Variants in ZNF710 observed in about 807,000 individuals in gnomAD.
ZNF710 encodes zinc finger protein 710.
Under a neutral mutation model 50.6 loss-of-function variants are expected in ZNF710, and 13 were observed. The ratio of observed to expected loss-of-function variants is 0.26; its 90% CI spans 0.17 to 0.41. The LOEUF is 0.41. Ranked by LOEUF, ZNF710 falls within the 10% of genes least tolerant of loss-of-function variation. ZNF710 has a pLI of 1.00. For missense variants in ZNF710, 721 were observed against 936.6 expected (o/e 0.77, Z 3.01); for synonymous variants, 383 against 397.0 (o/e 0.96, Z 0.42).
At chr15:90,043,116 C>G (rs572943934) in intron 1 of ZNF710, among the ~76,000 whole-genome samples, 1 of 152,264 alleles carries the variant, frequency 6.6e-6, no homozygotes, top group Non-Finnish European at 1.5e-5. Context: ...CACACCCCAC[C>G]GGGGACCGAG....
intron 1 of ZNF710, among the ~76,000 whole-genome samples, chr15:90,020,581 G>A (rs896055095): frequency 2.6e-5 from 4 of 152,240 alleles, no homozygotes; most frequent in Admixed American, 6.5e-5. Context: ...GGGACGTTTC[G>A]GTTTCTGTGA....
intron 4 of ZNF710, among the ~76,000 whole-genome samples, chr15:90,077,004 T>A (rs1317857037): frequency 1.3e-5 from 2 of 152,066 alleles, no homozygotes; most frequent in Admixed American, 1.3e-4. Flanking sequence ...CCCACCTCCC[T>A]CATACAGCCT....
At chr15:90,022,263 C>T (rs2151476267) in intron 1 of ZNF710, among the ~76,000 whole-genome samples, 1 of 152,080 alleles carries the variant, frequency 6.6e-6, no homozygotes, top group Middle Eastern at 3.4e-3. Flanking sequence ...GTAATCCCAG[C>T]TACTCAGGAG....
In ZNF710 at chr15:90,079,697, G is replaced by C; in HGVS notation, c.1863G>C (p.Glu621Asp). 2 of 1,614,006 alleles carry C rather than the reference G, an allele frequency of 1.2e-6. No homozygotes were observed. Among genetic ancestry groups the C allele is most frequent in the Non-Finnish European group, 1.7e-6 (2 of 1,179,956 alleles). ...MMELTGTDPS[E>D]LDGQQEMEDF... ...AGCTGACAGGCACTGACCCTTCAGAGCTCGACGGCCAGCAGGAGATGGAGG... is the reference window on the plus strand; with the variant it reads ...AGCTGACAGGCACTGACCCTTCAGACCTCGACGGCCAGCAGGAGATGGAGG... The change falls in exon 5 of 5, where the codon GAG becomes GAC. Residue 621 changes from glutamate (E) to aspartate (D), a missense_variant. Transcript: ENST00000268154.
Position 90,080,008 on chromosome 15 carries a change from T to C in ZNF710, c.*179T>C. Reference sequence around the variant, plus strand: ...TTAGACCAAATGGAGACTGTACTACTGGCCCCGGCTGTGAGCCAGCACAGG... The same window carrying C: ...TTAGACCAAATGGAGACTGTACTACCGGCCCCGGCTGTGAGCCAGCACAGG... On this transcript the variant is annotated 3_prime_UTR_variant, in exon 5 of 5. Coordinates refer to ENST00000268154, the MANE Select transcript of ZNF710 (RefSeq NM_198526.4). The C allele has an allele frequency of 1.8e-6, 1 of 555,996 alleles. No individual in the cohort carries two copies. The highest frequency in any genetic ancestry group is 2.9e-5 in the South Asian group (1 of 34,412). The allele number at this position is 555,996 out of a possible 1,614,324, so 34.4% of individuals were successfully genotyped here.
chr15:90,009,780 C>T lies in ZNF710; in HGVS notation c.-29+8166C>T, dbSNP rs549627874. Among the ~76,000 whole-genome samples, 5 of 152,154 alleles carry T rather than the reference C, an allele frequency of 3.3e-5. No individual in the cohort carries two copies. The South Asian group carries it at 1.0e-3, about 32-fold the overall frequency. ...AGTCCACTCTGTCCCCACTTCCTCT[C>T]TCCCCCTCTTCTCCTTGCCAGCTCA... On this transcript the variant is annotated intron_variant, in intron 1 of 4. Transcript: ENST00000268154.
Position 90,074,105 on chromosome 15 carries a change from A to G in ZNF710, c.1651-11A>G. 1 of 1,605,694 alleles carries G rather than the reference A, an allele frequency of 6.2e-7. No homozygotes were observed. Among genetic ancestry groups the G allele is most frequent in the East Asian group, 2.3e-5 (1 of 44,440 alleles). ...CCCACAGGCTCAGGACACCGGGTTG[A>G]TGTGTTCTAGGTGTGCGGGAAGTCC... On this transcript the variant is annotated splice_polypyrimidine_tract_variant and intron_variant, in intron 3 of 4. Coordinates refer to ENST00000268154, the MANE Select transcript of ZNF710 (RefSeq NM_198526.4).
intron 1 of ZNF710, among the ~76,000 whole-genome samples, chr15:90,008,846 A>G (rs1035714127): frequency 6.6e-6 from 1 of 152,052 alleles, no homozygotes; most frequent in African/African-American, 2.4e-5. Context: ...TTAAATACAT[A>G]TGCTCTATTG....
chr15:90,064,860 G>T (rs564468110), intron 1 of ZNF710, among the ~76,000 whole-genome samples: 3 of 152,132 alleles, frequency 2.0e-5, no homozygotes, highest in African/African-American at 4.8e-5. Flanking sequence ...AGGACCGTGG[G>T]CCCTCACAAC....
intron 1 of ZNF710, among the ~76,000 whole-genome samples, chr15:90,017,721 A>T (rs1432537989): frequency 1.3e-5 from 2 of 151,904 alleles, no homozygotes; most frequent in Non-Finnish European, 2.9e-5. Context: ...GTTCCCCTGG[A>T]AAGTTTATAC....
intron 1 of ZNF710, among the ~76,000 whole-genome samples, chr15:90,065,788 TC>T (rs1900152008): frequency 6.6e-6 from 1 of 152,146 alleles, no homozygotes; most frequent in South Asian, 2.1e-4. Flanking sequence ...ATGTCTATAA[TC>T]CTAGCATTTC....
In ZNF710 at chr15:90,079,851, C is replaced by T. The variant is rs755937438; in HGVS notation, c.*22C>T. 2.2e-5 allele frequency: 35 copies of T among 1,565,444 alleles called. No homozygotes were observed. Among genetic ancestry groups the T allele is most frequent in the East Asian group, 7.0e-5 (3 of 42,986 alleles). The stretch of plus-strand genomic sequence containing the variant: ...ATAGCGCAAGCTGGGCCACCCCTAA[C>T]GGGGGCCGGGGGCGAGGGCATGGGG... On this transcript the variant is annotated 3_prime_UTR_variant, in exon 5 of 5. Coordinates refer to ENST00000268154, the MANE Select transcript of ZNF710 (RefSeq NM_198526.4).
intron 1 of ZNF710, among the ~76,000 whole-genome samples, chr15:90,013,270 G>A (rs1222465780): frequency 1.3e-5 from 2 of 151,980 alleles, no homozygotes; most frequent in Non-Finnish European, 2.9e-5. Flanking sequence ...GCCTGGCTAA[G>A]TTTTGTATTT....
intron 1 of ZNF710, among the ~76,000 whole-genome samples, chr15:90,028,409 G>T (rs912804911): frequency 6.6e-6 from 1 of 152,216 alleles, no homozygotes; most frequent in African/African-American, 2.4e-5. Context: ...CCCAGTCTCT[G>T]AGAAGGTATT....
chr15:90,068,687 G>A lies in ZNF710; in HGVS notation c.1458+92G>A, dbSNP rs566777179. The A allele has an allele frequency of 1.4e-4, 189 of 1,385,276 alleles. 3 individuals are homozygous for A. In the South Asian group the frequency reaches 2.5e-3, roughly 18 times the overall value. The allele number at this position is 1,385,276 out of a possible 1,614,324, so 85.8% of individuals were successfully genotyped here. Reference sequence around the variant, plus strand: ...CAAAGTCCCAGATGGGACCATTTAGGTGGTCTCCTAGTTTTATCGTTACGT... The same window carrying A: ...CAAAGTCCCAGATGGGACCATTTAGATGGTCTCCTAGTTTTATCGTTACGT... On this transcript the variant is annotated intron_variant, in intron 2 of 4. Coordinates refer to ENST00000268154, the MANE Select transcript of ZNF710 (RefSeq NM_198526.4). The surrounding 1 kb of genome is among the most constrained non-coding windows in gnomAD (Gnocchi z 5.0).
At chr15:90,035,661 G>A (rs923964969) in intron 1 of ZNF710, among the ~76,000 whole-genome samples, 1 of 152,220 alleles carries the variant, frequency 6.6e-6, no homozygotes, top group African/African-American at 2.4e-5. Flanking sequence ...CTAATACCTG[G>A]TGGCTGAGTC....
chr15:90,036,144 T>G (rs780357461), intron 1 of ZNF710, among the ~76,000 whole-genome samples: 8 of 152,152 alleles, frequency 5.3e-5, no homozygotes, highest in Non-Finnish European at 1.0e-4. Context: ...TTTGTTCTTC[T>G]CTACCCTGTT....
Position 90,074,141 on chromosome 15 carries a change from T to C in ZNF710, c.1676T>C (p.Met559Thr). 6.2e-7 allele frequency: 1 copy of C among 1,613,612 alleles called. No individual in the cohort carries two copies. Among genetic ancestry groups the C allele is most frequent in the East Asian group, 2.2e-5 (1 of 44,886 alleles). The change falls in exon 4 of 5, where the codon ATG (methionine) becomes ACG (threonine). Residue 559 changes from methionine to threonine, a missense_variant. Physicochemically the swap from Met to Thr is moderately conservative, Grantham distance 81. Transcript: ENST00000268154. ...CKVCGKSFNR[M>T]YNLLGHMHLH... ...GTGTGCGGGAAGTCCTTCAACCGCA[T>C]GTACAACCTGCTGGGCCACATGCAC...
chr15:90,060,535 T>G (rs2352052), intron 1 of ZNF710, among the ~76,000 whole-genome samples: 1 of 148,570 alleles, frequency 6.7e-6, no homozygotes, highest in Admixed American at 6.8e-5. Flanking sequence ...GCCTGGACAA[T>G]AGAGGAAGGC....
Sources: gnomAD v4.1 joint callset for allele counts (sites outside exome capture counted in the v4.1 genomes callset) on GRCh38, gnomAD v4.1.1 for gene constraint, Gnocchi (gnomAD v3.1) non-coding constraint, MANE v1.5 for transcripts, NCBI Gene and HGNC (gene_info 2026-07-23, HGNC 2026-07-21) for gene names.